ABTB3: variants seen among roughly 807,000 people sequenced by gnomAD.
ABTB3 encodes ankyrin repeat- and BTB/POZ domain-containing protein 3.
At chr12:107,431,713 T>C in the ABTB3 span, among the ~76,000 whole-genome samples, 1 of 152,252 alleles carries the variant, frequency 6.6e-6, no homozygotes, top group Admixed American at 6.5e-5. Context: ...CAGGGCCATG[T>C]GGCCAAATAC....
chr12:107,533,166 C>T, the ABTB3 span, among the ~76,000 whole-genome samples: 8 of 152,094 alleles, frequency 5.3e-5, no homozygotes, highest in Non-Finnish European at 1.2e-4. Flanking sequence ...AACTACCAAA[C>T]TGCAAAGCTA....
chr12:107,559,471 CCCAAATGCCTGGGAG>C, the ABTB3 span, among the ~76,000 whole-genome samples: 1 of 151,070 alleles, frequency 6.6e-6, no homozygotes, highest in Admixed American at 6.6e-5. Flanking sequence ...AAGCCTGGTG[CCCAAATGCCTGGGAG>C]CAGAGGGGCC....
At chr12:107,451,215 C>G in the ABTB3 span, among the ~76,000 whole-genome samples, 2 of 152,164 alleles carry the variant, frequency 1.3e-5, no homozygotes, top group South Asian at 2.1e-4. Flanking sequence ...TCACTCATGA[C>G]TTAATCTGAG....
the ABTB3 span, chr12:107,651,786 A>G: frequency 6.2e-7 from 1 of 1,612,624 alleles, no homozygotes; most frequent in Non-Finnish European, 8.5e-7. Context: ...AACCATGCCA[A>G]GGTAATCAAT....
the ABTB3 span, among the ~76,000 whole-genome samples, chr12:107,372,686 A>G: frequency 2.6e-5 from 4 of 152,134 alleles, no homozygotes; most frequent in Non-Finnish European, 4.4e-5. Flanking sequence ...CCTGGCAGCC[A>G]CTGCTTCACC....
At chr12:107,361,129 A>G in the ABTB3 span, among the ~76,000 whole-genome samples, 3 of 151,978 alleles carry the variant, frequency 2.0e-5, no homozygotes, top group Non-Finnish European at 4.4e-5. Flanking sequence ...CCTTCTTTTC[A>G]TATTTCTGAC....
the ABTB3 span, among the ~76,000 whole-genome samples, chr12:107,346,707 C>A: frequency 9.2e-5 from 14 of 152,312 alleles, no homozygotes; most frequent in African/African-American, 3.1e-4. Flanking sequence ...GATCTGCCCG[C>A]CTCAGCCTCC....
chr12:107,598,594 C>G, the ABTB3 span, among the ~76,000 whole-genome samples: 1 of 152,108 alleles, frequency 6.6e-6, no homozygotes, highest in Non-Finnish European at 1.5e-5. Flanking sequence ...TTCTTGGCCA[C>G]AGGAATAAAT....
the ABTB3 span, among the ~76,000 whole-genome samples, chr12:107,449,428 C>T: frequency 1.2e-4 from 18 of 151,776 alleles, no homozygotes; most frequent in South Asian, 8.3e-4. Context: ...TCTTGCTTCT[C>T]CTTTCACTGC....
At chr12:107,355,085 C>G in the ABTB3 span, among the ~76,000 whole-genome samples, 1 of 152,176 alleles carries the variant, frequency 6.6e-6, no homozygotes, top group South Asian at 2.1e-4. Flanking sequence ...GTCCCTCGCC[C>G]AAATGTATCA....
At chr12:107,432,763 C>T in the ABTB3 span, among the ~76,000 whole-genome samples, 10 of 152,178 alleles carry the variant, frequency 6.6e-5, no homozygotes, top group African/African-American at 2.4e-4. Context: ...GGTCTCCGTA[C>T]AGACTTCCAG....
At chr12:107,442,295 A>G in the ABTB3 span, among the ~76,000 whole-genome samples, 2 of 152,110 alleles carry the variant, frequency 1.3e-5, no homozygotes, top group African/African-American at 4.8e-5. Context: ...TTCGGGTCCT[A>G]TTAGAATTTT....
At chr12:107,570,794 C>T in the ABTB3 span, among the ~76,000 whole-genome samples, 1 of 152,196 alleles carries the variant, frequency 6.6e-6, no homozygotes, top group Non-Finnish European at 1.5e-5. Context: ...CCAGCATTGC[C>T]TCCTACCAGT....
the ABTB3 span, among the ~76,000 whole-genome samples, chr12:107,606,792 A>G: frequency 6.6e-6 from 1 of 152,168 alleles, no homozygotes; most frequent in Non-Finnish European, 1.5e-5. Flanking sequence ...AGTGAGTCAA[A>G]TCTGATACCT....
the ABTB3 span, among the ~76,000 whole-genome samples, chr12:107,395,099 T>C: frequency 2.6e-5 from 4 of 152,196 alleles, no homozygotes; most frequent in African/African-American, 9.6e-5. Context: ...CAGGACGTGC[T>C]CCTTTTGTCC....
At chr12:107,656,023 C>T in the ABTB3 span, among the ~76,000 whole-genome samples, 1 of 151,832 alleles carries the variant, frequency 6.6e-6, no homozygotes, top group African/African-American at 2.4e-5. Flanking sequence ...CACAGTGGCT[C>T]ATGCCTGTAA....
At chr12:107,536,947 A>G in the ABTB3 span, among the ~76,000 whole-genome samples, 2 of 152,202 alleles carry the variant, frequency 1.3e-5, no homozygotes, top group African/African-American at 2.4e-5. Context: ...TTGTAACACT[A>G]TTTATAAAAC....
the ABTB3 span, among the ~76,000 whole-genome samples, chr12:107,574,802 T>A: frequency 4.6e-5 from 7 of 152,148 alleles, no homozygotes; most frequent in Admixed American, 4.6e-4. Flanking sequence ...TTTAACAAGA[T>A]CCCAGGTGAT....
At chr12:107,401,415 A>G in the ABTB3 span, among the ~76,000 whole-genome samples, 1 of 152,152 alleles carries the variant, frequency 6.6e-6, no homozygotes, top group Non-Finnish European at 1.5e-5. Context: ...TAGGAAATGG[A>G]CACCTCTCCA....
Sources: gnomAD v4.1 joint callset for allele counts (sites outside exome capture counted in the v4.1 genomes callset) on GRCh38, gnomAD v4.1.1 for gene constraint, MANE v1.5 for transcripts, NCBI Gene and HGNC (gene_info 2026-07-23, HGNC 2026-07-21) for gene names.